Variants in CTNNA2 observed in about 807,000 individuals in gnomAD.
CTNNA2 encodes catenin alpha 2.
Under a neutral mutation model 101.0 loss-of-function variants are expected in CTNNA2, and 42 were observed. The ratio of observed to expected loss-of-function variants is 0.42; its 90% CI spans 0.32 to 0.54. The LOEUF (loss-of-function observed/expected upper bound fraction) is 0.54. CTNNA2 is among the 20% of genes least tolerant of loss of function. The pLI, the probability that CTNNA2 is intolerant of heterozygous loss-of-function variation, is 0.14. For missense variants in CTNNA2, 871 were observed against 1,223.1 expected (o/e 0.71, Z 4.29); for synonymous variants, 450 against 456.4 (o/e 0.99, Z 0.18).
chr2:79,536,804 G>A (rs1264824857), intron 1 of CTNNA2, among the ~76,000 whole-genome samples: 2 of 151,582 alleles, frequency 1.3e-5, no homozygotes, highest in African/African-American at 4.9e-5. Flanking sequence ...CGGGTTCAAG[G>A]AGTTCTCCTG....
At chr2:80,368,494 A>AT (rs144329940) in intron 7 of CTNNA2, among the ~76,000 whole-genome samples, 6,169 of 149,538 alleles carry the variant, frequency 0.041, 427 homozygotes, top group African/African-American at 0.14. Context: ...CACAGATGCC[A>AT]TTTTTTTTTT....
chr2:80,048,566 A>G (rs1696675866), intron 7 of CTNNA2, among the ~76,000 whole-genome samples: 1 of 152,124 alleles, frequency 6.6e-6, no homozygotes, highest in Non-Finnish European at 1.5e-5. Flanking sequence ...GTATTGAGTG[A>G]CTCTTGTATA....
Position 80,109,939 on chromosome 2 carries a change from T to A in CTNNA2, c.1056+200142T>A, listed in dbSNP as rs1477087699. Among the ~76,000 whole-genome samples, 4 of 152,232 alleles carry A rather than the reference T, an allele frequency of 2.6e-5. No homozygotes were observed. In the East Asian group the frequency reaches 5.8e-4, roughly 22 times the overall value. ...AGTCTAACCTGTATTAATCCTTTTTTAATCTGAATTAATACAGTGTACATT... is the reference window on the plus strand; with the variant it reads ...AGTCTAACCTGTATTAATCCTTTTTAAATCTGAATTAATACAGTGTACATT... On this transcript the variant is annotated intron_variant, in intron 7 of 18. Transcript: ENST00000402739.
intron 1 of CTNNA2, among the ~76,000 whole-genome samples, chr2:79,590,428 G>A (rs1229339158): frequency 1.3e-5 from 2 of 152,074 alleles, no homozygotes; most frequent in African/African-American, 4.8e-5. Context: ...ATAGTCAGGA[G>A]CCATGTGATA....
chr2:79,274,393 A>C (rs1675160073), intron 2 of CTNNA2, among the ~76,000 whole-genome samples: 1 of 152,082 alleles, frequency 6.6e-6, no homozygotes, highest in Non-Finnish European at 1.5e-5. Context: ...TTGTCTCTAA[A>C]AATTGTTTTA....
intron 3 of CTNNA2, among the ~76,000 whole-genome samples, chr2:79,336,686 T>A (rs1558632983): frequency 2.0e-5 from 3 of 152,172 alleles, no homozygotes. Context: ...ATTGTGTGGA[T>A]CCTGGTAAGA....
At position 79,190,092 on chromosome 2, in the gene CTNNA2, T is replaced by A. The variant is rs1246602624; in HGVS notation, c.-524+4661T>A. 2.0e-5 allele frequency among the ~76,000 whole-genome samples: 3 copies of A among 152,294 alleles called. No individual in the cohort carries two copies. In the East Asian group the frequency reaches 5.8e-4, roughly 29 times the overall value. On this transcript the variant is annotated intron_variant, in intron 1 of 21. Transcript: ENST00000466387. ...TTAATGAAATTTATTTAGTTCAAAA[T>A]GTTCCTAATTTCCATTGTGATTCCT...
intron 7 of CTNNA2, among the ~76,000 whole-genome samples, chr2:80,243,451 C>A (rs1366687465): frequency 6.6e-6 from 1 of 152,128 alleles, no homozygotes; most frequent in Non-Finnish European, 1.5e-5. Flanking sequence ...CTCCAGGCAA[C>A]GACTGATCTG....
At chr2:80,460,196 G>T (rs1684311269) in intron 9 of CTNNA2, among the ~76,000 whole-genome samples, 1 of 152,046 alleles carries the variant, frequency 6.6e-6, no homozygotes, top group South Asian at 2.1e-4. Flanking sequence ...CACAGGTCCT[G>T]CTGGAAAACT....
intron 4 of CTNNA2, among the ~76,000 whole-genome samples, chr2:79,424,451 A>G (rs1573159685): frequency 6.6e-6 from 1 of 152,188 alleles, no homozygotes; most frequent in South Asian, 2.1e-4. Flanking sequence ...ATCATGATGC[A>G]TCTTTCAGTG....
At chr2:80,426,681 G>C (rs571186571) in intron 9 of CTNNA2, among the ~76,000 whole-genome samples, 7 of 152,000 alleles carry the variant, frequency 4.6e-5, no homozygotes, top group South Asian at 4.1e-4. Context: ...AGAAGCTTAC[G>C]TGGCTTTCAG....
intron 2 of CTNNA2, among the ~76,000 whole-genome samples, chr2:79,255,337 G>C (rs1416372421): frequency 6.6e-6 from 1 of 152,120 alleles, no homozygotes; most frequent in African/African-American, 2.4e-5. Context: ...TTTCAGAACA[G>C]AGTGAATGTT....
intron 18 of CTNNA2, among the ~76,000 whole-genome samples, chr2:80,623,241 C>T (rs1307581814): frequency 3.3e-5 from 5 of 151,594 alleles, no homozygotes; most frequent in South Asian, 2.1e-4. Flanking sequence ...CCCTGTTCTA[C>T]GTATGATGCA....
At chr2:80,268,709 G>A (rs72928775) in intron 7 of CTNNA2, among the ~76,000 whole-genome samples, 14,593 of 152,184 alleles carry the variant, frequency 0.096, 1,542 homozygotes, top group African/African-American at 0.26. Context: ...CCTATTAGGT[G>A]TATTTATGGT....
rs1314204337 is a variant in CTNNA2, at chr2:80,067,352, T to A, written c.1056+157555T>A. ...TATATATATTTCAAAACATCATGTTTTATATATATATATTTCAAAACATCA... is the reference window on the plus strand; with the variant it reads ...TATATATATTTCAAAACATCATGTTATATATATATATATTTCAAAACATCA... On this transcript the variant is annotated intron_variant, in intron 7 of 18. Coordinates refer to ENST00000402739, the MANE Select transcript of CTNNA2 (RefSeq NM_001282597.3). Among the ~76,000 whole-genome samples the A allele has an allele frequency of 7.2e-5, 11 of 151,922 alleles. No homozygotes were observed. In the South Asian group the frequency reaches 1.7e-3, roughly 23 times the overall value.
chr2:79,301,115 A>G (rs2104390356), intron 2 of CTNNA2, among the ~76,000 whole-genome samples: 1 of 152,292 alleles, frequency 6.6e-6, no homozygotes, highest in South Asian at 2.1e-4. Flanking sequence ...TTCTGAAATT[A>G]CTTTTTCTTT....
chr2:80,146,560 A>C (rs955288620), intron 7 of CTNNA2, among the ~76,000 whole-genome samples: 14 of 151,932 alleles, frequency 9.2e-5, no homozygotes, highest in African/African-American at 3.1e-4. Flanking sequence ...CATTCCCCAA[A>C]ACTTACCCAC....
chr2:79,482,176 C>G (rs1179006139), intron 4 of CTNNA2, among the ~76,000 whole-genome samples: 1 of 152,130 alleles, frequency 6.6e-6, no homozygotes, highest in African/African-American at 2.4e-5. Flanking sequence ...ACAATAGAGA[C>G]TGCATTCTAA....
chr2:79,855,363 G>C (rs1013862978), intron 3 of CTNNA2, among the ~76,000 whole-genome samples: 4 of 152,136 alleles, frequency 2.6e-5, no homozygotes, highest in Non-Finnish European at 5.9e-5. Context: ...CTTTGAAGCA[G>C]TAGTGCTGAC....
Sources: gnomAD v4.1 joint callset for allele counts (sites outside exome capture counted in the v4.1 genomes callset) on GRCh38, gnomAD v4.1.1 for gene constraint, MANE v1.5 for transcripts, NCBI Gene and HGNC (gene_info 2026-07-23, HGNC 2026-07-21) for gene names.